The following STYXL1 variants were observed in gnomAD, a reference collection of about 807,000 sequenced individuals.
STYXL1 encodes serine/threonine/tyrosine interacting like 1, also known as serine/threonine/tyrosine-interacting-like protein 1.
A neutral mutation model predicts 36.4 loss-of-function variants in STYXL1; 32 were observed. That is an observed-to-expected ratio of 0.88 (90% CI 0.66 to 1.18). STYXL1 has a LOEUF of 1.18. STYXL1 is among the 50% of genes most tolerant of loss of function. The probability of loss-of-function intolerance (pLI) is 0.00; values close to 1 mark genes in which losing one functional copy is unlikely to be tolerated. For missense variants in STYXL1, 354 were observed against 394.1 expected (o/e 0.90, Z 0.86); for synonymous variants, 133 against 144.1 (o/e 0.92, Z 0.55).
chr7:76,017,084 C>T (rs1264226628), intron 4 of STYXL1, among the ~76,000 whole-genome samples: 5 of 152,044 alleles, frequency 3.3e-5, no homozygotes, highest in Admixed American at 1.3e-4. Context: ...TGCAATGGCA[C>T]GATCTCGGCG....
At chr7:76,043,099 G>C (rs1057061963) in intron 1 of STYXL1, among the ~76,000 whole-genome samples, 1 of 152,190 alleles carries the variant, frequency 6.6e-6, no homozygotes, top group African/African-American at 2.4e-5. Flanking sequence ...CCAGGCAGGG[G>C]AGAAGGCCAA....
intron 5 of STYXL1, among the ~76,000 whole-genome samples, chr7:76,008,536 A>G (rs1792116873): frequency 1.3e-5 from 2 of 152,164 alleles, no homozygotes. Context: ...GAAAGCCATT[A>G]GTAAAGAACA....
At chr7:76,047,463 CCT>C (rs1416545416) in intron 1 of STYXL1, among the ~76,000 whole-genome samples, 197 bp downstream of exon 1, 3 of 152,136 alleles carry the variant, frequency 2.0e-5, no homozygotes, top group African/African-American at 7.2e-5. Context: ...AGTTGTTGTC[CCT>C]ACAACCTATT....
At chr7:76,016,222 A>T (rs552584300) in intron 4 of STYXL1, among the ~76,000 whole-genome samples, 1 of 151,974 alleles carries the variant, frequency 6.6e-6, no homozygotes, top group South Asian at 2.1e-4. Flanking sequence ...GTATAGGGAT[A>T]CATATATATA....
chr7:76,039,853 G>T (rs987583063), intron 1 of STYXL1, among the ~76,000 whole-genome samples: 1 of 152,008 alleles, frequency 6.6e-6, no homozygotes, highest in African/African-American at 2.4e-5. Flanking sequence ...CACCACGTTG[G>T]CCAGCTTAGT....
chr7:75,999,856 A>G (rs1159592998), intron 8 of STYXL1, among the ~76,000 whole-genome samples: 1 of 151,934 alleles, frequency 6.6e-6, no homozygotes, highest in Non-Finnish European at 1.5e-5. Context: ...TGTTATGTAT[A>G]TTTTAACCAC....
rs60080805 is a variant in STYXL1 at position 76,008,199 on chromosome 7, CAAAAAAAAAAAAAA to C, written c.454-2809_454-2796del. ...GGGCAACAAGAGCAAAACTCCATCT[CAAAAAAAAAAAAAA>C]AAAAAAAAAAAAAAAAATCTCAAAG... On this transcript the variant is annotated intron_variant, in intron 5 of 8. Transcript: ENST00000359697. Among the ~76,000 whole-genome samples, 39 of 33,746 alleles carry C rather than the reference CAAAAAAAAAAAAAA, an allele frequency of 1.2e-3. 1 individual carries two copies. Among genetic ancestry groups the C allele is most frequent in the Non-Finnish European group, 1.7e-3 (34 of 20,154 alleles). 22.1% of individuals were successfully genotyped at this position (33,746 alleles called of 152,430 possible).
intron 5 of STYXL1, among the ~76,000 whole-genome samples, chr7:76,010,665 C>T (rs1233245476): frequency 7.2e-5 from 11 of 152,106 alleles, no homozygotes; most frequent in Non-Finnish European, 1.5e-4. Flanking sequence ...ACCACTAACA[C>T]GCAGCCAGGC....
intron 3 of STYXL1, 33 bp downstream of exon 3, chr7:76,028,609 A>G: frequency 6.2e-7 from 1 of 1,609,930 alleles, no homozygotes; most frequent in Non-Finnish European, 8.5e-7. Flanking sequence ...CAAGGTAGCC[A>G]GCCTGCCCCA....
rs564966132 is a variant in STYXL1, at chr7:76,014,246, A to G, written c.308-359T>C. 3.3e-5 allele frequency among the ~76,000 whole-genome samples: 5 copies of G among 152,274 alleles called. No individual in the cohort carries two copies. In the East Asian group the frequency reaches 9.7e-4, roughly 29 times the overall value. On this transcript the variant is annotated intron_variant, in intron 4 of 8. Coordinates refer to ENST00000359697, the MANE Select transcript of STYXL1 (RefSeq NM_001317785.2). The stretch of plus-strand genomic sequence containing the variant: ...AGCCTCGGCCTCCCAAAGTGCTGAG[A>G]TTACAGGCGTGAGCCACCATGCCCG...
chr7:76,007,210 T>A (rs782076332), intron 5 of STYXL1, among the ~76,000 whole-genome samples: 106 of 152,140 alleles, frequency 7.0e-4, no homozygotes, highest in Non-Finnish European at 1.4e-3. Context: ...GCGCATCACC[T>A]GAGGTGAGGA....
At position 76,003,870 on chromosome 7, in the gene STYXL1, C is replaced by A. The variant is rs782591850; in HGVS notation, c.600-15G>T. The A allele has an allele frequency of 6.8e-6, 11 of 1,613,084 alleles. No individual in the cohort carries two copies. In the Admixed American group the frequency reaches 1.8e-4, roughly 27 times the overall value. ...CGCCTGCAAAACTACACGGAAGGAC[C>A]ACACAGGTCATCAGGTGGAATGCAG... On this transcript the variant is annotated splice_polypyrimidine_tract_variant and intron_variant, in intron 6 of 8. Coordinates refer to ENST00000359697, the MANE Select transcript of STYXL1 (RefSeq NM_001317785.2).
chr7:75,996,545 A>G lies in STYXL1; in HGVS notation c.865T>C (p.Leu289=). Residue 289 remains leucine (L), a synonymous_variant, in exon 9 of 9, where the codon TTG becomes CTG. Coordinates refer to ENST00000359697, the MANE Select transcript of STYXL1 (RefSeq NM_001317785.2). ...TCCCATTCCAGCAGCTGGCTCACCA[A>G]TCCCCGATTTGGACACATGTTGTTT... is the stretch of plus-strand genomic sequence containing the variant. ...CKNNMCPNRG[L]VSQLLEWEKT... is the part of the protein sequence containing the mutation. 4 of 1,614,208 alleles carry G rather than the reference A, an allele frequency of 2.5e-6. No individual in the cohort carries two copies. Among genetic ancestry groups the G allele is most frequent in the East Asian group, 2.2e-5 (1 of 44,886 alleles).
In STYXL1 at chr7:76,047,851, C is replaced by T. The variant is rs373154090; in HGVS notation, c.-194G>A. 7.0e-6 allele frequency: 9 copies of T among 1,277,840 alleles called. No homozygotes were observed. The highest frequency in any genetic ancestry group is 6.8e-5 in the East Asian group (2 of 29,536). 79.2% of individuals were successfully genotyped at this position (1,277,840 alleles called of 1,614,324 possible). On this transcript the variant is annotated 5_prime_UTR_variant, in exon 1 of 9. Coordinates refer to ENST00000359697, the MANE Select transcript of STYXL1 (RefSeq NM_001317785.2). ...CCTCTAAGGCGCTTCCAGCCTAAAG[C>T]CCGTCCTCTTCCACCTCTTGGGTGC... is the stretch of plus-strand genomic sequence containing the variant.
chr7:76,028,910 A>G (rs1795031342), intron 2 of STYXL1, among the ~76,000 whole-genome samples: 1 of 151,978 alleles, frequency 6.6e-6, no homozygotes, highest in African/African-American at 2.4e-5. Flanking sequence ...GGATCACTTG[A>G]GCCAGGAGTT....
intron 4 of STYXL1, among the ~76,000 whole-genome samples, chr7:76,014,498 C>T (rs774301923): frequency 1.3e-5 from 2 of 151,672 alleles, no homozygotes; most frequent in South Asian, 2.1e-4. Flanking sequence ...ACTATAGGTG[C>T]GCACCACCAC....
rs781856234 is a variant in STYXL1 at position 76,003,750 on chromosome 7, C to G, written c.697+8G>C. ...CCAGTTGCTACCCGGCCAAGGAACG[C>G]TCCTTACCAATGAAGTGACACATGT... On this transcript the variant is annotated splice_region_variant and intron_variant, in intron 7 of 8. Coordinates refer to ENST00000359697, the MANE Select transcript of STYXL1 (RefSeq NM_001317785.2). The G allele has an allele frequency of 6.2e-7, 1 of 1,614,022 alleles. No individual in the cohort carries two copies. Among genetic ancestry groups the G allele is most frequent in the Non-Finnish European group, 8.5e-7 (1 of 1,179,876 alleles).
At chr7:76,047,323 T>G (rs1797258451) in intron 1 of STYXL1, among the ~76,000 whole-genome samples, 1 of 152,210 alleles carries the variant, frequency 6.6e-6, no homozygotes, top group African/African-American at 2.4e-5. Flanking sequence ...CTACTCGACT[T>G]TCTGTCTGCG....
intron 6 of STYXL1, 55 bp downstream of exon 6, chr7:76,005,203 TA>T: frequency 9.8e-7 from 1 of 1,023,980 alleles, no homozygotes; most frequent in Non-Finnish European, 1.2e-6. Flanking sequence ...AAAATAAATT[TA>T]AATATTATAT....
Sources: gnomAD v4.1 joint callset for allele counts (sites outside exome capture counted in the v4.1 genomes callset) on GRCh38, gnomAD v4.1.1 for gene constraint, MANE v1.5 for transcripts, NCBI Gene and HGNC (gene_info 2026-07-23, HGNC 2026-07-21) for gene names.